The following SPOCK3 variants were observed in gnomAD, a reference collection of about 807,000 sequenced individuals.
The protein encoded by SPOCK3 is SPARC (osteonectin), cwcv and kazal like domains proteoglycan 3, also known as testican-3.
SPOCK3 carries 30 observed loss-of-function variants against 56.6 expected under a neutral mutation model. That is an observed-to-expected ratio of 0.53 (90% CI 0.40 to 0.72). The LOEUF (loss-of-function observed/expected upper bound fraction) is 0.72. Among genes scored for constraint, SPOCK3 ranks in the 30% least tolerant of loss-of-function variants. The pLI, the probability that SPOCK3 is intolerant of heterozygous loss-of-function variation, is 0.00. For missense variants in SPOCK3, 527 were observed against 530.0 expected, an observed-to-expected ratio of 0.99 and a Z score of 0.06; for synonymous variants, 196 against 183.3, an observed-to-expected ratio of 1.07 and a Z score of -0.56.
chr4:166,918,444 C>A (rs1738121659), intron 4 of SPOCK3: 1 of 152,000 alleles, frequency 6.6e-6, no homozygotes, highest in African/African-American at 2.4e-5. Context: ...CTTCCTAGAT[C>A]AGAAGAGGTC....
At chr4:167,170,576 G>A (rs1286061576) in intron 2 of SPOCK3, among the ~76,000 whole-genome samples, 1 of 152,122 alleles carries the variant, frequency 6.6e-6, no homozygotes, top group African/African-American at 2.4e-5. Flanking sequence ...CTAACGAGAA[G>A]ACCAAAGCAC....
intron 2 of SPOCK3, among the ~76,000 whole-genome samples, chr4:167,175,798 T>G (rs558327587): frequency 1.3e-5 from 2 of 152,214 alleles, no homozygotes; most frequent in Admixed American, 1.3e-4. Context: ...AATAGATTTA[T>G]GCTATTTATG....
rs760527825 is a variant in SPOCK3 at position 166,874,129 on chromosome 4, G to T, written c.589+15001C>A. ...ATGGTAAAGATAATGTCTTTCTCTG[G>T]GGTAGAGGTTGTACAAGTTTGCTAC... On this transcript the variant is annotated intron_variant, in intron 6 of 10. Transcript: ENST00000357545. 1.8e-4 allele frequency among the ~76,000 whole-genome samples: 27 copies of T among 152,128 alleles called. 1 individual carries two copies. The highest frequency in any genetic ancestry group is 6.5e-4 in the Admixed American group (10 of 15,276).
chr4:166,813,593 C>T (rs1744069275), intron 6 of SPOCK3, among the ~76,000 whole-genome samples: 1 of 151,534 alleles, frequency 6.6e-6, no homozygotes, highest in Non-Finnish European at 1.5e-5. Flanking sequence ...TATAACATAA[C>T]ATATGCTGCA....
chr4:166,983,032 T>C (rs1401675567), intron 4 of SPOCK3, among the ~76,000 whole-genome samples: 4 of 152,168 alleles, frequency 2.6e-5, no homozygotes, highest in African/African-American at 9.7e-5. Flanking sequence ...TACAACTATA[T>C]ACTATACATA....
intron 2 of SPOCK3, among the ~76,000 whole-genome samples, chr4:167,209,341 G>A (rs542310200): frequency 2.5e-4 from 38 of 152,032 alleles, no homozygotes; most frequent in African/African-American, 7.5e-4. Flanking sequence ...AGGTTTTGAT[G>A]GATGAGTAGA....
At chr4:167,050,707 C>T (rs1309976650) in intron 3 of SPOCK3, among the ~76,000 whole-genome samples, 1 of 152,120 alleles carries the variant, frequency 6.6e-6, no homozygotes, top group Non-Finnish European at 1.5e-5. Context: ...TAAAATATTA[C>T]TCAGCCTTAA....
intron 4 of SPOCK3, among the ~76,000 whole-genome samples, chr4:166,944,220 CT>C (rs368547823): frequency 2.0e-5 from 3 of 151,192 alleles, no homozygotes; most frequent in South Asian, 2.1e-4. Context: ...AGAAGTGTCT[CT>C]TTTTTTTTAA....
At chr4:167,234,588 C>T, upstream of SPOCK3, 1 of 218,602 alleles carries the variant, frequency 4.6e-6, no homozygotes, top group Non-Finnish European at 9.1e-6. Flanking sequence ...GCGCGCTCCC[C>T]CCATCTCCAC....
Position 166,950,793 on chromosome 4 carries a change from G to A in SPOCK3, c.351-38050C>T, listed in dbSNP as rs1033789291. Among the ~76,000 whole-genome samples, 254 of 147,768 alleles carry A rather than the reference G, an allele frequency of 1.7e-3. 1 individual carries two copies. The highest frequency in any genetic ancestry group is 3.4e-3 in the Middle Eastern group (1 of 290). On this transcript the variant is annotated intron_variant, in intron 4 of 10. Transcript: ENST00000357545. ...AGAATTAAGAATCTCACTCAAAACC[G>A]CTCAACTACATGGAAACTGAACAAC...
At chr4:166,786,353 TCA>T (rs1244998070) in intron 7 of SPOCK3, among the ~76,000 whole-genome samples, 2 of 152,180 alleles carry the variant, frequency 1.3e-5, no homozygotes, top group Non-Finnish European at 2.9e-5. Context: ...TAATCTGTAC[TCA>T]CAGTTTTTAG....
At chr4:166,966,533 C>A (rs1030525503) in intron 4 of SPOCK3, among the ~76,000 whole-genome samples, 10 of 152,182 alleles carry the variant, frequency 6.6e-5, no homozygotes, top group African/African-American at 2.2e-4. Flanking sequence ...TGAGTTGAGG[C>A]TAATAAAATT....
At chr4:167,171,977 G>A (rs1730542367) in intron 2 of SPOCK3, among the ~76,000 whole-genome samples, 1 of 152,024 alleles carries the variant, frequency 6.6e-6, no homozygotes, top group Non-Finnish European at 1.5e-5. Context: ...AGAGGATACT[G>A]CATAAAGGTA....
intron 4 of SPOCK3, among the ~76,000 whole-genome samples, chr4:166,933,799 A>G (rs1238410066): frequency 6.6e-6 from 1 of 152,202 alleles, no homozygotes; most frequent in Non-Finnish European, 1.5e-5. Context: ...TACTACCATT[A>G]TAAAATTCTT....
chr4:167,173,127 C>A (rs1468213060), intron 2 of SPOCK3, among the ~76,000 whole-genome samples: 1 of 152,074 alleles, frequency 6.6e-6, no homozygotes, highest in East Asian at 1.9e-4. Context: ...TATGTTTTTA[C>A]GACTTCCCAC....
chr4:166,914,183 T>C (rs1348528449), intron 4 of SPOCK3, among the ~76,000 whole-genome samples: 2 of 152,148 alleles, frequency 1.3e-5, no homozygotes, highest in African/African-American at 2.4e-5. Context: ...ATAAGCAAGT[T>C]TGGGCTTCTA....
intron 6 of SPOCK3, among the ~76,000 whole-genome samples, chr4:166,880,592 A>G (rs1733586630): frequency 6.6e-6 from 1 of 152,162 alleles, no homozygotes; most frequent in Non-Finnish European, 1.5e-5. Context: ...ACTGTGTCCA[A>G]TATTGAACTT....
intron 3 of SPOCK3, among the ~76,000 whole-genome samples, chr4:167,060,730 G>A (rs956096235): frequency 1.3e-5 from 2 of 152,064 alleles, no homozygotes; most frequent in Non-Finnish European, 2.9e-5. Flanking sequence ...TCTTGATAGT[G>A]TTATCATATG....
intron 2 of SPOCK3, among the ~76,000 whole-genome samples, chr4:167,108,727 A>G (rs1404657119): frequency 6.6e-6 from 1 of 151,328 alleles, no homozygotes; most frequent in Non-Finnish European, 1.5e-5. Flanking sequence ...AAAGACAGGT[A>G]GAAAACAGTA....
Sources: gnomAD v4.1 joint callset for allele counts (sites outside exome capture counted in the v4.1 genomes callset) on GRCh38, gnomAD v4.1.1 for gene constraint, MANE v1.5 for transcripts, NCBI Gene and HGNC (gene_info 2026-07-23, HGNC 2026-07-21) for gene names.